Variants in WDR37 observed in about 807,000 individuals in gnomAD.
The protein encoded by WDR37 is WD repeat-containing protein 37.
WDR37 carries 19 observed loss-of-function variants against 62.9 expected under a neutral mutation model. The observed-to-expected ratio is 0.30, with a 90% CI of 0.21 to 0.44. The LOEUF is 0.44. Among genes scored for constraint, WDR37 ranks in the 20% least tolerant of loss-of-function variants. The pLI is 1.00. For synonymous variants in WDR37, 250 were observed against 260.9 expected, an observed-to-expected ratio of 0.96 and a Z score of 0.40; for missense variants, 474 against 657.6, an observed-to-expected ratio of 0.72 and a Z score of 3.05.
intron 5 of WDR37, among the ~76,000 whole-genome samples, chr10:1,081,439 T>A (rs975232050): frequency 6.6e-6 from 1 of 152,236 alleles, no homozygotes. Flanking sequence ...TTTTTCCAAT[T>A]TGTTTCCTTG....
At chr10:1,093,401 A>G (rs762002061) in intron 7 of WDR37, 51 bp from the exon 8 acceptor site, 1 of 1,429,778 alleles carries the variant, frequency 7.0e-7, no homozygotes, top group South Asian at 1.2e-5. Flanking sequence ...AAATGTTGAT[A>G]ACATGTTTTT....
At chr10:1,078,081 A>T in intron 3 of WDR37, 78 bp downstream of exon 3, 1 of 1,124,182 alleles carries the variant, frequency 8.9e-7, no homozygotes, top group Admixed American at 2.4e-5. Flanking sequence ...ATTCATCACT[A>T]TATTAGTTTT....
At position 1,056,786 on chromosome 10, in the gene WDR37, C is replaced by G; in HGVS notation, c.-223C>G. The G allele has an allele frequency of 6.6e-6, 1 of 152,160 alleles. No individual in the cohort carries two copies. The highest frequency in any genetic ancestry group is 3.4e-3 in the Middle Eastern group (1 of 296). The allele number at this position is 152,160 out of a possible 1,614,324, so 9.4% of individuals were successfully genotyped here. ...AGAACCCAGCGGCGCGGGACTGGGGCGGGACTTCCGGCGACACCGGAAGTG... is the reference window on the plus strand; with the variant it reads ...AGAACCCAGCGGCGCGGGACTGGGGGGGGACTTCCGGCGACACCGGAAGTG... On this transcript the variant is annotated 5_prime_UTR_variant, in exon 1 of 14. Coordinates refer to ENST00000263150, the MANE Select transcript of WDR37 (RefSeq NM_014023.4).
Position 1,124,931 on chromosome 10 carries a change from A to G in WDR37, c.1260A>G (p.Gln420=). 6.2e-7 allele frequency: 1 copy of G among 1,614,196 alleles called. No individual in the cohort carries two copies. Among genetic ancestry groups the G allele is most frequent in the Non-Finnish European group, 8.5e-7 (1 of 1,180,018 alleles). ...GCAGGATCAATGTATGTGTCGGCCA[A>G]AAAATCATAGCCCTCCCCCATGACA... ...AINRINVCVG[Q]KIIALPHDNR... Residue 420 remains glutamine (Q), a synonymous_variant, in exon 13 of 14, where the codon CAA becomes CAG. Transcript: ENST00000263150.
intron 5 of WDR37, among the ~76,000 whole-genome samples, chr10:1,083,774 A>C (rs868368558): frequency 3.3e-5 from 5 of 152,214 alleles, no homozygotes; most frequent in Admixed American, 2.0e-4. Flanking sequence ...CATGTCCAAA[A>C]GGCCAGGGGC....
At chr10:1,093,610 T>C (rs1834471967) in intron 8 of WDR37, 114 bp downstream of exon 8, 2 of 877,484 alleles carry the variant, frequency 2.3e-6, no homozygotes, top group Admixed American at 2.8e-5. Flanking sequence ...AGTTAATCTT[T>C]AGTAGACATT....
intron 5 of WDR37, among the ~76,000 whole-genome samples, chr10:1,081,878 A>G (rs1178556113): frequency 6.6e-6 from 1 of 152,184 alleles, no homozygotes; most frequent in Non-Finnish European, 1.5e-5. Context: ...GAAGTAGAGG[A>G]AGAAATGATT....
intron 5 of WDR37, among the ~76,000 whole-genome samples, chr10:1,082,830 C>T (rs1398239789): frequency 6.6e-6 from 1 of 152,194 alleles, no homozygotes; most frequent in African/African-American, 2.4e-5. Flanking sequence ...TGGGAAGGAG[C>T]CACTCTGTTC....
chr10:1,126,295 A>G (rs1033697089), intron 13 of WDR37, among the ~76,000 whole-genome samples: 16 of 151,014 alleles, frequency 1.1e-4, no homozygotes, highest in Admixed American at 4.0e-4. Context: ...AGTCCCAGCT[A>G]CTCGGGAGGC....
rs777008642 is a variant in WDR37 at position 1,124,357 on chromosome 10, A to G, written c.1238+5A>G. On this transcript the variant is annotated splice_donor_5th_base_variant and intron_variant, in intron 12 of 13. Transcript: ENST00000263150. ...CACGGACTCTGCCATTAACAGGTAAAGTCAAACTGTTGGTTAAGTAAGTGG... is the reference window on the plus strand; with the variant it reads ...CACGGACTCTGCCATTAACAGGTAAGGTCAAACTGTTGGTTAAGTAAGTGG... 6.2e-6 allele frequency: 10 copies of G among 1,614,152 alleles called. 1 individual carries two copies. The South Asian group carries it at 1.1e-4, about 18-fold the overall frequency.
chr10:1,064,439 C>T (rs376876644), intron 1 of WDR37, among the ~76,000 whole-genome samples: 2 of 151,974 alleles, frequency 1.3e-5, no homozygotes, highest in Admixed American at 6.6e-5. Context: ...CACCTTCAGA[C>T]GTAAGAAGCA....
At chr10:1,083,913 T>C (rs1010762876) in intron 5 of WDR37, among the ~76,000 whole-genome samples, 1 of 152,224 alleles carries the variant, frequency 6.6e-6, no homozygotes, top group Non-Finnish European at 1.5e-5. Context: ...TTTTTACACT[T>C]GATGATACGT....
chr10:1,101,706 G>C (rs1834809425), intron 9 of WDR37, among the ~76,000 whole-genome samples: 1 of 152,214 alleles, frequency 6.6e-6, no homozygotes, highest in Non-Finnish European at 1.5e-5. Context: ...TACAGGAGCT[G>C]TTCCCGACTT....
Position 1,074,593 on chromosome 10 carries a change from C to G in WDR37, c.138+2300C>G, listed in dbSNP as rs964069861. ...GCCCCCGTGAGGTGCTCTGCCTTCCCCCTGCCGTGGGCGGGAGAGAGCTGT... is the reference window on the plus strand; with the variant it reads ...GCCCCCGTGAGGTGCTCTGCCTTCCGCCTGCCGTGGGCGGGAGAGAGCTGT... On this transcript the variant is annotated intron_variant, in intron 2 of 13. Coordinates refer to ENST00000263150, the MANE Select transcript of WDR37 (RefSeq NM_014023.4). 4 of 1,185,298 alleles carry G rather than the reference C, an allele frequency of 3.4e-6. No homozygotes were observed. The African/African-American group carries it at 4.7e-5, about 14-fold the overall frequency. The allele number at this position is 1,185,298 out of a possible 1,614,324, so 73.4% of individuals were successfully genotyped here. A position where few individuals can be genotyped will look rare whatever the true frequency, so the allele number is the denominator to read the frequency against.
chr10:1,096,460 G>A (rs1257671200), intron 9 of WDR37: 2 of 589,118 alleles, frequency 3.4e-6, no homozygotes, highest in Admixed American at 5.8e-5. Flanking sequence ...AGAGGAGACA[G>A]TGGAGAGCTC....
At chr10:1,117,729 C>G (rs1835449810) in intron 11 of WDR37, among the ~76,000 whole-genome samples, 1 of 152,240 alleles carries the variant, frequency 6.6e-6, no homozygotes, top group Non-Finnish European at 1.5e-5. Flanking sequence ...GGAGGGGTGG[C>G]TGCCTAAAGC....
At chr10:1,060,809 C>T (rs1045696364) in intron 1 of WDR37, among the ~76,000 whole-genome samples, 3 of 152,232 alleles carry the variant, frequency 2.0e-5, no homozygotes, top group Non-Finnish European at 2.9e-5. Context: ...TTTACTGTAC[C>T]TTTTCTATGT....
chr10:1,068,373 C>A (rs1001669101), intron 1 of WDR37, among the ~76,000 whole-genome samples: 3 of 147,270 alleles, frequency 2.0e-5, no homozygotes, highest in African/African-American at 7.7e-5. Flanking sequence ...AGGAGAATGG[C>A]GTGAACCCGG....
intron 1 of WDR37, among the ~76,000 whole-genome samples, chr10:1,058,456 A>G (rs913483995): frequency 6.6e-6 from 1 of 152,260 alleles, no homozygotes; most frequent in African/African-American, 2.4e-5. Flanking sequence ...CCCTTTCCCC[A>G]AGGTGAAACT....
Sources: allele counts gnomAD v4.1 joint callset (sites outside exome capture counted in the v4.1 genomes callset), GRCh38; gene constraint gnomAD v4.1.1; transcripts MANE v1.5; gene names NCBI Gene and HGNC (gene_info 2026-07-23, HGNC 2026-07-21).